Variants in CA6 observed in about 807,000 individuals in gnomAD.
The protein encoded by CA6 is carbonate dehydratase VI.
A neutral mutation model predicts 35.9 loss-of-function variants in CA6; 28 were observed. The observed-to-expected ratio is 0.78, with a 90% CI of 0.58 to 1.07. The LOEUF (loss-of-function observed/expected upper bound fraction) is 1.07. CA6 is among the 50% of genes least tolerant of loss of function. CA6 has a pLI of 0.00. For missense variants in CA6, 377 were observed against 382.0 expected (o/e 0.99, Z 0.11); for synonymous variants, 148 against 152.6 (o/e 0.97, Z 0.22).
intron 7 of CA6, among the ~76,000 whole-genome samples, chr1:8,972,350 C>G (rs191549315): frequency 4.2e-4 from 64 of 152,272 alleles, no homozygotes; most frequent in South Asian, 8.3e-4. Flanking sequence ...CTCGTTCGGC[C>G]TTATCCCATC....
intron 5 of CA6, among the ~76,000 whole-genome samples, chr1:8,967,219 A>G (rs988101884): frequency 6.6e-6 from 1 of 152,138 alleles, no homozygotes; most frequent in Non-Finnish European, 1.5e-5. Context: ...AGAAGTCTCC[A>G]GGGGCCATAT....
chr1:8,958,866 A>G (rs1427391391), intron 3 of CA6, 44 bp from the exon 4 acceptor site: 3 of 1,049,114 alleles, frequency 2.9e-6, no homozygotes, highest in Non-Finnish European at 4.4e-6. Context: ...AAGCATTTGA[A>G]TTTCTATGAA....
chr1:8,972,395 G>A (rs1467709586), intron 7 of CA6, among the ~76,000 whole-genome samples: 1 of 152,090 alleles, frequency 6.6e-6, no homozygotes, highest in East Asian at 1.9e-4. Context: ...AATTTCCTCC[G>A]GGTGTGGCGG....
chr1:8,957,878 A>G (rs538426970), intron 3 of CA6, among the ~76,000 whole-genome samples: 21 of 151,854 alleles, frequency 1.4e-4, no homozygotes, highest in African/African-American at 4.8e-4. Context: ...GGATCGCTTG[A>G]GGCCAGCAGG....
chr1:8,947,312 C>T (rs1027703167), intron 1 of CA6, among the ~76,000 whole-genome samples: 13 of 152,032 alleles, frequency 8.6e-5, no homozygotes, highest in African/African-American at 2.2e-4. Flanking sequence ...GGCTGGTGGC[C>T]GCTGGCTGAT....
chr1:8,946,020 G>A (rs374459546), intron 1 of CA6, 55 bp downstream of exon 1: 220 of 1,083,226 alleles, frequency 2.0e-4, no homozygotes, highest in Non-Finnish European at 2.8e-4. Flanking sequence ...CTTACAACAG[G>A]ACAAGTGCCC....
chr1:8,974,066 C>A (rs1330832088), intron 7 of CA6, among the ~76,000 whole-genome samples: 1 of 152,104 alleles, frequency 6.6e-6, no homozygotes. Context: ...CTCAAGCAAT[C>A]CACCCACTTC....
At chr1:8,972,458 G>A (rs151060870) in intron 7 of CA6, among the ~76,000 whole-genome samples, 2,868 of 152,198 alleles carry the variant, frequency 0.019, 109 homozygotes, top group African/African-American at 0.065. Context: ...AGATCACGAT[G>A]TCAGGAGATC....
intron 2 of CA6, among the ~76,000 whole-genome samples, chr1:8,956,393 C>A (rs1169319961): frequency 6.6e-6 from 1 of 152,092 alleles, no homozygotes; most frequent in Admixed American, 6.6e-5. Context: ...GGCGTGGTGG[C>A]TCATGCCTGT....
chr1:8,951,501 G>A (rs758778722), intron 2 of CA6: 2 of 765,064 alleles, frequency 2.6e-6, no homozygotes, highest in Non-Finnish European at 4.8e-6. Context: ...CAAAGGCAGT[G>A]GCTTTGTTCA....
At chr1:8,948,791 G>A (rs1261842574) in intron 1 of CA6, among the ~76,000 whole-genome samples, 2 of 152,016 alleles carry the variant, frequency 1.3e-5, no homozygotes, top group African/African-American at 4.8e-5. Flanking sequence ...CCAACATGGT[G>A]AAACCCCGTC....
At chr1:8,956,604 G>A (rs1419352544) in intron 2 of CA6, among the ~76,000 whole-genome samples, 2 of 151,958 alleles carry the variant, frequency 1.3e-5, no homozygotes, top group Non-Finnish European at 2.9e-5. Flanking sequence ...AGGCTGCAGT[G>A]AGTTGCTGCA....
Position 8,967,656 on chromosome 1 carries a change from C to T in CA6, c.572-3C>T, listed in dbSNP as rs955036881. ...TTCTGTTACCTTCTGTCTTCTTGGTCAGGACAAAGAACAACCCTGACTGGC... is the reference window on the plus strand; with the variant it reads ...TTCTGTTACCTTCTGTCTTCTTGGTTAGGACAAAGAACAACCCTGACTGGC... On this transcript the variant is annotated splice_region_variant and splice_polypyrimidine_tract_variant and intron_variant, in intron 5 of 7. Coordinates refer to ENST00000377443, the MANE Select transcript of CA6 (RefSeq NM_001215.4). 5.6e-6 allele frequency: 9 copies of T among 1,613,140 alleles called. No individual in the cohort carries two copies. The Admixed American group carries it at 1.2e-4, about 21-fold the overall frequency.
At chr1:8,960,199 C>G (rs1455283858) in intron 4 of CA6, among the ~76,000 whole-genome samples, 1 of 151,478 alleles carries the variant, frequency 6.6e-6, no homozygotes, top group Non-Finnish European at 1.5e-5. Context: ...CCACTACACT[C>G]CAGCCTGGAT....
intron 2 of CA6, 107 bp downstream of exon 2, chr1:8,949,549 G>A (rs569955498): frequency 6.1e-5 from 61 of 994,266 alleles, no homozygotes; most frequent in South Asian, 6.0e-4. Context: ...CACAGAGCAC[G>A]GCCTCAGAGC....
intron 3 of CA6, 104 bp downstream of exon 3, chr1:8,957,389 G>C: frequency 9.1e-7 from 1 of 1,099,158 alleles, no homozygotes; most frequent in Non-Finnish European, 1.3e-6. Flanking sequence ...TGCCCCGGCT[G>C]GAGTGCAGTG....
chr1:8,970,776 C>T (rs780897897), intron 6 of CA6, 91 bp from the exon 7 acceptor site: 9 of 830,864 alleles, frequency 1.1e-5, no homozygotes, highest in South Asian at 4.1e-5. Context: ...GCTGGGATTA[C>T]AGGCGTGAGC....
chr1:8,962,562 C>G, intron 4 of CA6, 25 bp from the exon 5 acceptor site: 2 of 1,596,592 alleles, frequency 1.3e-6, no homozygotes, highest in Non-Finnish European at 8.6e-7. Context: ...TTCACTTACG[C>G]TCAGTGCTCT....
chr1:8,965,117 G>A (rs1255886585), intron 5 of CA6, among the ~76,000 whole-genome samples: 1 of 152,042 alleles, frequency 6.6e-6, no homozygotes, highest in Non-Finnish European at 1.5e-5. Context: ...GGTGGTGCAC[G>A]CCTGTAATCC....
Sources: allele counts gnomAD v4.1 joint callset (sites outside exome capture counted in the v4.1 genomes callset), GRCh38; gene constraint gnomAD v4.1.1; transcripts MANE v1.5; gene names NCBI Gene and HGNC (gene_info 2026-07-23, HGNC 2026-07-21).